Variants in YBX3 observed in about 807,000 individuals in gnomAD.
YBX3 encodes the protein Y-box-binding protein 3.
In YBX3, 29 loss-of-function variants were observed where a neutral mutation model predicts 42.4. That is an observed-to-expected ratio of 0.68 (90% confidence interval 0.51 to 0.93). The LOEUF (loss-of-function observed/expected upper bound fraction) is 0.93, where lower values mean the gene tolerates loss of function less well. Ranked by LOEUF, YBX3 falls within the 40% of genes least tolerant of loss-of-function variation. The pLI is 0.00. For missense variants in YBX3, 517 were observed against 527.5 expected (o/e 0.98, Z 0.19); for synonymous variants, 195 against 189.8 (o/e 1.03, Z -0.22).
intron 1 of YBX3, among the ~76,000 whole-genome samples, chr12:10,722,626 G>A (rs956814750): frequency 1.3e-5 from 2 of 152,238 alleles, no homozygotes; most frequent in African/African-American, 4.8e-5. Context: ...GCACACGGCC[G>A]CCAGGAGCGC....
chr12:10,719,589 G>C (rs908819440), intron 1 of YBX3, among the ~76,000 whole-genome samples: 1 of 152,178 alleles, frequency 6.6e-6, no homozygotes, highest in Non-Finnish European at 1.5e-5. Flanking sequence ...GAAACAAGGT[G>C]GCTCCTTGTT....
chr12:10,715,642 G>T, intron 4 of YBX3, 52 bp downstream of exon 4: 2 of 1,451,364 alleles, frequency 1.4e-6, no homozygotes, highest in Non-Finnish European at 1.9e-6. Context: ...AATTTATTGT[G>T]CAACAGTACT....
chr12:10,705,216 C>T (rs1323352697), intron 6 of YBX3, among the ~76,000 whole-genome samples: 4 of 152,140 alleles, frequency 2.6e-5, no homozygotes, highest in African/African-American at 7.2e-5. Flanking sequence ...GCCTCAGCCT[C>T]GCAAGTAGCT....
At chr12:10,701,690 T>C (rs1021064340) in intron 8 of YBX3, among the ~76,000 whole-genome samples, 1 of 152,246 alleles carries the variant, frequency 6.6e-6, no homozygotes, top group Admixed American at 6.5e-5. Flanking sequence ...CAGCTTCCTC[T>C]TGATAAATGC....
intron 5 of YBX3, chr12:10,711,405 C>T (rs975216289): frequency 9.9e-5 from 15 of 152,028 alleles, no homozygotes; most frequent in African/African-American, 2.7e-4. Context: ...ACTCCCCCTC[C>T]AAAAAAGCCT....
At chr12:10,704,396 TATCA>T in intron 6 of YBX3, 1 of 351,502 alleles carries the variant, frequency 2.8e-6, no homozygotes, top group Non-Finnish European at 5.1e-6. Context: ...TATTTTCGCC[TATCA>T]ATTTAACATT....
At chr12:10,711,326 A>G (rs1948197558) in intron 5 of YBX3, 5 of 152,162 alleles carry the variant, frequency 3.3e-5, no homozygotes, top group Admixed American at 3.3e-4. Flanking sequence ...ATAATGACCC[A>G]TTACTTTTTT....
chr12:10,717,408 A>G (rs1273053898), intron 3 of YBX3, among the ~76,000 whole-genome samples: 1 of 152,232 alleles, frequency 6.6e-6, no homozygotes, highest in African/African-American at 2.4e-5. Context: ...CCTTCTCTTA[A>G]CCTATTTTAT....
chr12:10,714,061 CA>C (rs1948231155), intron 4 of YBX3, among the ~76,000 whole-genome samples: 1 of 152,118 alleles, frequency 6.6e-6, no homozygotes, highest in Non-Finnish European at 1.5e-5. Context: ...CAACCCAAAA[CA>C]ATTTTTTAAA....
At chr12:10,712,659 CAAG>C (rs1948212484) in intron 5 of YBX3, 1 of 152,116 alleles carries the variant, frequency 6.6e-6, no homozygotes, top group African/African-American at 2.4e-5. Context: ...GAATGAACAA[CAAG>C]GTTAAGTCAA....
chr12:10,716,102 T>A (rs1157380884), intron 3 of YBX3: 1 of 249,464 alleles, frequency 4.0e-6, no homozygotes, highest in Non-Finnish European at 7.7e-6. Context: ...GATGTATTAA[T>A]TACCTCAAAC....
chr12:10,710,293 T>C, intron 5 of YBX3, 179 bp from the exon 6 acceptor site: 1 of 1,489,610 alleles, frequency 6.7e-7, no homozygotes, highest in Non-Finnish European at 8.9e-7. Flanking sequence ...ATAAACTACA[T>C]TAAGATTAGA....
intron 9 of YBX3, among the ~76,000 whole-genome samples, chr12:10,699,969 A>T (rs569561997): frequency 6.6e-6 from 1 of 152,308 alleles, no homozygotes; most frequent in Non-Finnish European, 1.5e-5. Flanking sequence ...CCTATCTCCT[A>T]ATATGAATAT....
At chr12:10,713,421 T>C (rs1275443286) in intron 4 of YBX3, 88 bp from the exon 5 acceptor site, 1 of 1,428,670 alleles carries the variant, frequency 7.0e-7, no homozygotes, top group African/African-American at 1.4e-5. Context: ...AGTATAAGAC[T>C]GGCAGAACAT....
chr12:10,703,345 C>T (rs1948101574), intron 7 of YBX3: 2 of 158,420 alleles, frequency 1.3e-5, no homozygotes, highest in Non-Finnish European at 2.8e-5. Context: ...TTATAAAATG[C>T]TTCAAAGGGA....
chr12:10,711,329 A>G (rs1435322215), intron 5 of YBX3: 2 of 152,190 alleles, frequency 1.3e-5, no homozygotes, highest in African/African-American at 4.8e-5. Context: ...ATGACCCATT[A>G]CTTTTTTTTA....
intron 1 of YBX3, among the ~76,000 whole-genome samples, chr12:10,719,604 G>A (rs1948302416): frequency 6.6e-6 from 1 of 152,162 alleles, no homozygotes; most frequent in African/African-American, 2.4e-5. Flanking sequence ...CTTGTTAACA[G>A]GCAATCTACA....
chr12:10,718,517 AC>A (rs1275856090), intron 2 of YBX3: 3 of 178,760 alleles, frequency 1.7e-5, no homozygotes, highest in Non-Finnish European at 2.3e-5. Flanking sequence ...ACAGCCCCCC[AC>A]CCCCACCCCA....
At chr12:10,707,544 T>C (rs1435995137) in intron 6 of YBX3, among the ~76,000 whole-genome samples, 1 of 152,232 alleles carries the variant, frequency 6.6e-6, no homozygotes, top group Non-Finnish European at 1.5e-5. Context: ...ACAACCCATG[T>C]TCATTTCTCT....
Sources: allele counts gnomAD v4.1 joint callset (sites outside exome capture counted in the v4.1 genomes callset), GRCh38; gene constraint gnomAD v4.1.1; transcripts MANE v1.5; gene names NCBI Gene and HGNC (gene_info 2026-07-23, HGNC 2026-07-21).